TMEM272: variants seen among roughly 807,000 people sequenced by gnomAD.
TMEM272 encodes the protein long intergenic non-protein coding RNA 282.
Under a neutral mutation model 3.7 loss-of-function variants are expected in TMEM272, and 8 were observed. The ratio of observed to expected loss-of-function variants is 2.17; its 90% CI spans 1.27 to 3.91. The LOEUF (loss-of-function observed/expected upper bound fraction) is 3.91. Ranked by LOEUF, TMEM272 falls within the 30% of genes most tolerant of loss-of-function variation. TMEM272 has a pLI of 0.00. For missense variants in TMEM272, 166 were observed against 91.5 expected (o/e 1.81, Z -3.32); for synonymous variants, 63 against 39.8 (o/e 1.58, Z -2.20).
the TMEM272 span, among the ~76,000 whole-genome samples, chr13:51,861,779 A>T: frequency 2.9e-4 from 44 of 152,334 alleles, no homozygotes; most frequent in African/African-American, 1.0e-3. Flanking sequence ...CAAGTAGAAT[A>T]AACCTCAAGA....
rs1956257403 is a variant in TMEM272, at chr13:51,840,920, AG to A, written c.-23-2368del. The stretch of plus-strand genomic sequence containing the variant: ...CTACCGATCAAGGTGAAATGAGACC[AG>A]TTCTCTGGCCCAATGGGGTTTGCCA... On this transcript the variant is annotated intron_variant, in intron 1 of 4. Coordinates refer to ENST00000629372, the MANE Select transcript of TMEM272 (RefSeq NM_001351003.2). Among the ~76,000 whole-genome samples, 4 of 152,354 alleles carry A rather than the reference AG, an allele frequency of 2.6e-5. No individual in the cohort carries two copies. The South Asian group carries it at 8.3e-4, about 32-fold the overall frequency.
Position 51,816,992 on chromosome 13 carries a change from T to C in TMEM272, c.323A>G (p.His108Arg), listed in dbSNP as rs1956035475. 1 of 702,498 alleles carries C rather than the reference T, an allele frequency of 1.4e-6. No individual in the cohort carries two copies. Among genetic ancestry groups the C allele is most frequent in the Non-Finnish European group, 2.6e-6 (1 of 384,922 alleles). The allele number at this position is 702,498 out of a possible 1,614,324, so 43.5% of individuals were successfully genotyped here. ...WRQNAHRYYI[H>R]LLLSLFLFLW... ...GAAGAGGAAGAGGCTCAGCAGGAGG[T>C]GGATGTAGTATCTGTGCGCATTCTG... Residue 108 changes from histidine to arginine, a missense_variant, in exon 5 of 5, where the codon CAC becomes CGC. Transcript: ENST00000629372.
chr13:51,856,797 T>C, the TMEM272 span, among the ~76,000 whole-genome samples: 3 of 152,280 alleles, frequency 2.0e-5, no homozygotes, highest in Admixed American at 1.3e-4. Flanking sequence ...AAAGCAACAA[T>C]TAGATTGATG....
intron 2 of TMEM272, among the ~76,000 whole-genome samples, chr13:51,832,961 C>T (rs1956185418): frequency 6.6e-6 from 1 of 152,146 alleles, no homozygotes; most frequent in Admixed American, 6.5e-5. Context: ...TGGAAGGGAC[C>T]AGCAGGGGCA....
chr13:51,877,413 T>C, the TMEM272 span, among the ~76,000 whole-genome samples: 1 of 152,186 alleles, frequency 6.6e-6, no homozygotes, highest in Non-Finnish European at 1.5e-5. Flanking sequence ...GCTCAATGAA[T>C]GTTTGTGTGC....
At chr13:51,926,441 C>A in the TMEM272 span, among the ~76,000 whole-genome samples, 2,697 of 152,234 alleles carry the variant, frequency 0.018, 71 homozygotes, top group African/African-American at 0.058. Flanking sequence ...GGGCAGTGGA[C>A]ACAATTCACT....
At chr13:51,860,638 CAAAA>C in the TMEM272 span, among the ~76,000 whole-genome samples, 3 of 105,926 alleles carry the variant, frequency 2.8e-5, no homozygotes, top group African/African-American at 3.5e-5. Flanking sequence ...AAACATGTCT[CAAAA>C]AAAAAAAAAA....
chr13:51,826,768 C>T (rs1956129151), intron 2 of TMEM272, 143 bp from the exon 3 acceptor site: 1 of 642,292 alleles, frequency 1.6e-6, no homozygotes, highest in Admixed American at 2.3e-5. Flanking sequence ...AAGGTCGCAG[C>T]TCGCCTGGGG....
At chr13:51,909,424 C>T in the TMEM272 span, 5 of 867,424 alleles carry the variant, frequency 5.8e-6, no homozygotes, top group Non-Finnish European at 9.7e-6. Context: ...TTTTCCTCTA[C>T]TATTAATTTC....
the TMEM272 span, among the ~76,000 whole-genome samples, chr13:51,927,710 A>T: frequency 1.3e-5 from 2 of 152,204 alleles, no homozygotes; most frequent in Non-Finnish European, 2.9e-5. Context: ...AATATTTTCC[A>T]GGAGCCTGCA....
At chr13:51,883,892 A>T in the TMEM272 span, among the ~76,000 whole-genome samples, 1 of 152,178 alleles carries the variant, frequency 6.6e-6, no homozygotes, top group Non-Finnish European at 1.5e-5. Context: ...TGATACATCC[A>T]TTCCTTTGTC....
the TMEM272 span, among the ~76,000 whole-genome samples, chr13:51,881,742 C>T: frequency 5.9e-5 from 9 of 152,180 alleles, no homozygotes; most frequent in African/African-American, 1.7e-4. Context: ...AGCAAGAAGA[C>T]ACCACCTATG....
chr13:51,865,730 G>T, the TMEM272 span: 1 of 1,614,168 alleles, frequency 6.2e-7, no homozygotes, highest in Non-Finnish European at 8.5e-7. Context: ...CAGGGAGGAA[G>T]AGAAAACTTT....
chr13:51,931,474 C>T, the TMEM272 span, among the ~76,000 whole-genome samples: 1 of 151,422 alleles, frequency 6.6e-6, no homozygotes, highest in African/African-American at 2.4e-5. Context: ...GAACATCACA[C>T]ACTGGGGCCT....
At chr13:51,850,303 T>A in the TMEM272 span, among the ~76,000 whole-genome samples, 3 of 152,250 alleles carry the variant, frequency 2.0e-5, no homozygotes, top group Non-Finnish European at 2.9e-5. Context: ...TATTTATACT[T>A]GTTTTATTTC....
At chr13:51,893,610 T>C in the TMEM272 span, among the ~76,000 whole-genome samples, 13 of 152,034 alleles carry the variant, frequency 8.6e-5, no homozygotes. Context: ...TCACACCGTA[T>C]GCGCTTCTGC....
chr13:51,814,952 G>C lies in TMEM272; in HGVS notation c.*1799C>G, dbSNP rs1013693602. ...AAGCCTCAGAGGCTTTCATGTGGGA[G>C]TCATGCAGGTGTCCCTGGGCCCAGG... On this transcript the variant is annotated 3_prime_UTR_variant, in exon 5 of 5. Transcript: ENST00000629372. 6.5e-6 allele frequency: 1 copy of C among 152,714 alleles called. No individual in the cohort carries two copies. Among genetic ancestry groups the C allele is most frequent in the African/African-American group, 2.4e-5 (1 of 41,464 alleles). 9.5% of individuals were successfully genotyped at this position (152,714 alleles called of 1,614,324 possible). A position where few individuals can be genotyped will look rare whatever the true frequency, so the allele number is the denominator to read the frequency against.
At chr13:51,869,847 G>A in the TMEM272 span, among the ~76,000 whole-genome samples, 1 of 152,110 alleles carries the variant, frequency 6.6e-6, no homozygotes, top group Non-Finnish European at 1.5e-5. Context: ...CCTCAAGTAC[G>A]CTCTGCAGGA....
chr13:51,860,131 C>T, the TMEM272 span, among the ~76,000 whole-genome samples: 18 of 152,200 alleles, frequency 1.2e-4, 1 homozygote, highest in South Asian at 2.7e-3. Context: ...ACCAGGAGGA[C>T]GCTCAAACCA....
Sources: gnomAD v4.1 joint callset for allele counts (sites outside exome capture counted in the v4.1 genomes callset) on GRCh38, gnomAD v4.1.1 for gene constraint, MANE v1.5 for transcripts, NCBI Gene and HGNC (gene_info 2026-07-23, HGNC 2026-07-21) for gene names.